Variants in LOXHD1 observed in about 807,000 individuals in gnomAD.
LOXHD1 encodes lipoxygenase homology domain-containing protein 1.
LOXHD1 carries 205 observed loss-of-function variants against 248.2 expected under a neutral mutation model. The observed-to-expected ratio is 0.83, with a 90% CI of 0.74 to 0.93. The LOEUF (loss-of-function observed/expected upper bound fraction) is 0.93. LOXHD1 is among the 40% of genes least tolerant of loss of function. The pLI is 0.00. For missense variants in LOXHD1, 2,930 were observed against 2,971.6 expected, an observed-to-expected ratio of 0.99 and a Z score of 0.33; for synonymous variants, 1,113 against 1,162.8, an observed-to-expected ratio of 0.96 and a Z score of 0.87.
intron 10 of LOXHD1, 97 bp from the exon 11 acceptor site, chr18:46,592,681 T>A: frequency 9.9e-7 from 1 of 1,007,640 alleles, no homozygotes; most frequent in Middle Eastern, 2.1e-4. Flanking sequence ...TGCTTTGGGC[T>A]CTTTCTTCAG....
At chr18:46,618,727 T>C (rs970726895) in intron 4 of LOXHD1, among the ~76,000 whole-genome samples, 1 of 152,208 alleles carries the variant, frequency 6.6e-6, no homozygotes, top group Non-Finnish European at 1.5e-5. Context: ...CTGTATCTCC[T>C]CTGCCTTTCC....
At chr18:46,599,919 A>G (rs2038309811) in intron 8 of LOXHD1, among the ~76,000 whole-genome samples, 2 of 152,244 alleles carry the variant, frequency 1.3e-5, no homozygotes, top group South Asian at 4.1e-4. Context: ...AATATCAAGC[A>G]TTTACAAGAA....
Position 46,594,438 on chromosome 18 carries a change from A to G in LOXHD1, c.1163T>C (p.Ile388Thr). 1 of 1,551,590 alleles carries G rather than the reference A, an allele frequency of 6.4e-7. No individual in the cohort carries two copies. The highest frequency in any genetic ancestry group is 8.7e-7 in the Non-Finnish European group (1 of 1,146,990). ...KVVILCPFTG[I>T]QQTFPCSNWL... ...GTTGCTACAAGGGAAGGTCTGCTGG[A>G]TACCAGTGAAGGGGCACAGAATCAC... is the stretch of plus-strand genomic sequence containing the variant. The change falls in exon 9 of 41, where the codon ATC becomes ACC. Residue 388 changes from isoleucine to threonine, a missense_variant. Ile to Thr is a moderately conservative substitution (Grantham distance 89). Coordinates refer to ENST00000642948, the MANE Select transcript of LOXHD1 (RefSeq NM_001384474.1).
intron 29 of LOXHD1, among the ~76,000 whole-genome samples, chr18:46,525,350 A>T (rs1214030765): frequency 6.6e-6 from 1 of 152,164 alleles, no homozygotes; most frequent in Admixed American, 6.5e-5. Flanking sequence ...TCTTCTAGAG[A>T]TGAACTTCTG....
intron 4 of LOXHD1, among the ~76,000 whole-genome samples, chr18:46,621,537 C>T (rs1568220893): frequency 6.6e-6 from 1 of 152,164 alleles, no homozygotes; most frequent in Non-Finnish European, 1.5e-5. Flanking sequence ...ATCAAGCCTT[C>T]CTGTCACACA....
At chr18:46,606,841 G>A (rs955606574) in intron 6 of LOXHD1, among the ~76,000 whole-genome samples, 1 of 152,064 alleles carries the variant, frequency 6.6e-6, no homozygotes, top group Non-Finnish European at 1.5e-5. Flanking sequence ...ATAAGTCATG[G>A]TAGATCTAAA....
At chr18:46,572,984 C>T (rs1014698632) in intron 14 of LOXHD1, among the ~76,000 whole-genome samples, 5 of 138,724 alleles carry the variant, frequency 3.6e-5, no homozygotes, top group African/African-American at 1.4e-4. Flanking sequence ...GATTGCGCCA[C>T]TGCACTCCAG....
intron 21 of LOXHD1, among the ~76,000 whole-genome samples, chr18:46,550,579 C>CAAAAAAAAA (rs754046200): frequency 0.027 from 1,209 of 45,180 alleles, 109 homozygotes; most frequent in Middle Eastern, 0.068. Flanking sequence ...GACTCCGTCT[C>CAAAAAAAAA]AAAAAAAAAA....
chr18:46,589,974 A>G (rs1383301728), intron 12 of LOXHD1, among the ~76,000 whole-genome samples: 1 of 152,174 alleles, frequency 6.6e-6, no homozygotes, highest in East Asian at 1.9e-4. Context: ...CCTTATCAAA[A>G]TGGCAATCTA....
rs934539241 is a variant in LOXHD1, at chr18:46,519,182, C to G, written c.5272-926G>C. 2.4e-5 allele frequency: 19 copies of G among 794,820 alleles called. No individual in the cohort carries two copies. In the African/African-American group the frequency reaches 3.6e-4, roughly 15 times the overall value. 49.2% of individuals were successfully genotyped at this position (794,820 alleles called of 1,614,324 possible). Reference sequence around the variant, plus strand: ...CCTTCTCACCAAGTGCCCCTGGACTCACAGTGAAGTCTGAAGGTTCAGGAG... The same window carrying G: ...CCTTCTCACCAAGTGCCCCTGGACTGACAGTGAAGTCTGAAGGTTCAGGAG... On this transcript the variant is annotated intron_variant, in intron 33 of 40. Transcript: ENST00000642948.
In LOXHD1 at chr18:46,541,867, G is replaced by A. The variant is rs764092184; in HGVS notation, c.3822C>T (p.Pro1274=). Reference sequence around the variant, plus strand: ...CGTTTTTGGCCAGCCAGCGGCCACAGGGAAACGTCATGCACTTCCCAAGAG... The same window carrying A: ...CGTTTTTGGCCAGCCAGCGGCCACAAGGAAACGTCATGCACTTCCCAAGAG... The part of the protein sequence containing the change: ...APSLGKCMTF[P]CGRWLAKNED... Residue 1274 remains proline (P), a synonymous_variant, in exon 25 of 41, where the codon CCC becomes CCT. Transcript: ENST00000642948. 5 of 1,551,728 alleles carry A rather than the reference G, an allele frequency of 3.2e-6. No homozygotes were observed. The highest frequency in any genetic ancestry group is 1.7e-4 in the Middle Eastern group (1 of 5,992).
intron 32 of LOXHD1, 78 bp from the exon 33 acceptor site, chr18:46,521,360 CA>C: frequency 6.7e-7 from 1 of 1,482,162 alleles, no homozygotes; most frequent in Non-Finnish European, 9.2e-7. Context: ...CCCCCTCCCT[CA>C]GTGCTTCTTC....
intron 16 of LOXHD1, among the ~76,000 whole-genome samples, chr18:46,568,604 C>A (rs1448171535): frequency 6.6e-6 from 1 of 152,134 alleles, no homozygotes; most frequent in Admixed American, 6.5e-5. Flanking sequence ...AAGGATAAGA[C>A]CCTCATGCCA....
intron 20 of LOXHD1, among the ~76,000 whole-genome samples, chr18:46,558,227 A>ACT (rs985541364): frequency 6.6e-6 from 1 of 152,024 alleles, no homozygotes; most frequent in South Asian, 2.1e-4. Context: ...TCTCTCTTGC[A>ACT]CTCTCTCTCT....
At chr18:46,484,558 T>C (rs557210245) in intron 39 of LOXHD1, among the ~76,000 whole-genome samples, 1 of 152,278 alleles carries the variant, frequency 6.6e-6, no homozygotes, top group East Asian at 1.9e-4. Context: ...CTGTGAGAAA[T>C]ACATTTCTGT....
chr18:46,503,315 C>G (rs1034985000), intron 37 of LOXHD1, among the ~76,000 whole-genome samples: 3 of 152,182 alleles, frequency 2.0e-5, no homozygotes, highest in Non-Finnish European at 4.4e-5. Context: ...TTAGGGTAGA[C>G]AGACCTTGTC....
At chr18:46,553,486 T>G (rs1044088026) in intron 21 of LOXHD1, among the ~76,000 whole-genome samples, 3 of 152,214 alleles carry the variant, frequency 2.0e-5, no homozygotes, top group African/African-American at 4.8e-5. Flanking sequence ...GAGCAGCTAG[T>G]TAACCCCCAG....
rs760386671 is a variant in LOXHD1 at position 46,618,381 on chromosome 18, AC to A, written c.512-92del. On this transcript the variant is annotated intron_variant, in intron 4 of 40. Coordinates refer to ENST00000642948, the MANE Select transcript of LOXHD1 (RefSeq NM_001384474.1). The stretch of plus-strand genomic sequence containing the variant: ...AGTAGCTACCACACCATCTACACTT[AC>A]CCCCAGCAATGCATAAATTGTCACC... 511 of 802,012 alleles carry A rather than the reference AC, an allele frequency of 6.4e-4. 2 individuals are homozygous for A. The highest frequency in any genetic ancestry group is 9.1e-4 in the South Asian group (59 of 65,166). 49.7% of individuals were successfully genotyped at this position (802,012 alleles called of 1,614,324 possible).
intron 23 of LOXHD1, 143 bp downstream of exon 23, chr18:46,545,174 T>C: frequency 1.6e-6 from 1 of 637,884 alleles, no homozygotes; most frequent in Non-Finnish European, 2.7e-6. Flanking sequence ...AAAAAGGAAC[T>C]GCCTTTCTCG....
Sources: allele counts gnomAD v4.1 joint callset (sites outside exome capture counted in the v4.1 genomes callset), GRCh38; gene constraint gnomAD v4.1.1; transcripts MANE v1.5; gene names NCBI Gene and HGNC (gene_info 2026-07-23, HGNC 2026-07-21).